The following NFAT5 variants were observed in gnomAD, a reference collection of about 807,000 sequenced individuals.
NFAT5 encodes the protein nuclear factor of activated T cells 5, also known as nuclear factor of activated T-cells 5.
Under a neutral mutation model 166.5 loss-of-function variants are expected in NFAT5, and 31 were observed. That is an observed-to-expected ratio of 0.19 (90% CI 0.14 to 0.25). The LOEUF (loss-of-function observed/expected upper bound fraction) is 0.25, where lower values mean the gene tolerates loss of function less well. Among genes scored for constraint, NFAT5 ranks in the 10% least tolerant of loss-of-function variants. The probability of loss-of-function intolerance (pLI) is 1.00; values close to 1 mark genes in which losing one functional copy is unlikely to be tolerated. For synonymous variants in NFAT5, 612 were observed against 639.7 expected (o/e 0.96, Z 0.65); for missense variants, 1,449 against 1,821.8 (o/e 0.80, Z 3.72).
At chr16:69,689,510 G>A (rs1171521965) in intron 11 of NFAT5, among the ~76,000 whole-genome samples, 1 of 152,210 alleles carries the variant, frequency 6.6e-6, no homozygotes, top group East Asian at 1.9e-4. Context: ...GTTGAAGTAA[G>A]ACAAGAAAAT....
chr16:69,649,328 G>A (rs898810818), intron 4 of NFAT5: 1 of 969,526 alleles, frequency 1.0e-6, no homozygotes, highest in African/African-American at 1.8e-5. Context: ...GAATGTTGAA[G>A]GTTCAAATTT....
At chr16:69,663,441 A>G (rs1248047801) in intron 7 of NFAT5, among the ~76,000 whole-genome samples, 3 of 151,990 alleles carry the variant, frequency 2.0e-5, no homozygotes, top group African/African-American at 4.8e-5. Flanking sequence ...CAAATTAAGA[A>G]TATTAATTTT....
intron 2 of NFAT5, among the ~76,000 whole-genome samples, chr16:69,625,795 A>T (rs1421400667): frequency 2.0e-5 from 3 of 152,044 alleles, no homozygotes; most frequent in African/African-American, 7.2e-5. Flanking sequence ...GTTATTTGGC[A>T]TTTCTTCCAT....
intron 2 of NFAT5, among the ~76,000 whole-genome samples, chr16:69,591,321 G>T (rs887706905): frequency 6.6e-6 from 1 of 151,916 alleles, no homozygotes; most frequent in Non-Finnish European, 1.5e-5. Flanking sequence ...TTACTCCGAG[G>T]ATGAAGATGA....
At chr16:69,581,821 A>G (rs970260633) in intron 2 of NFAT5, among the ~76,000 whole-genome samples, 15 of 152,198 alleles carry the variant, frequency 9.9e-5, no homozygotes, top group Non-Finnish European at 1.9e-4. Flanking sequence ...ATCATGTACA[A>G]CATGTTGTTT....
chr16:69,598,025 A>G (rs900600593), intron 2 of NFAT5, among the ~76,000 whole-genome samples: 4 of 152,062 alleles, frequency 2.6e-5, no homozygotes, highest in Admixed American at 6.6e-5. Context: ...GTAAATTATG[A>G]CTTGTTGCTA....
At chr16:69,682,258 G>T (rs2037094510) in intron 10 of NFAT5, among the ~76,000 whole-genome samples, 1 of 150,896 alleles carries the variant, frequency 6.6e-6, no homozygotes, top group African/African-American at 2.4e-5. Context: ...CTCCACAGTG[G>T]TGATTTCTAT....
At chr16:69,592,316 G>A (rs941735931) in intron 2 of NFAT5, among the ~76,000 whole-genome samples, 6 of 152,054 alleles carry the variant, frequency 3.9e-5, no homozygotes, top group African/African-American at 1.4e-4. Context: ...ATGACCTCAA[G>A]TGATCCACCC....
At chr16:69,576,375 A>T (rs1217375802) in intron 2 of NFAT5, among the ~76,000 whole-genome samples, 1 of 152,080 alleles carries the variant, frequency 6.6e-6, no homozygotes, top group Non-Finnish European at 1.5e-5. Flanking sequence ...TTCAGATGGT[A>T]TAAAAAGAAT....
chr16:69,614,312 G>C (rs1337281880), intron 2 of NFAT5, among the ~76,000 whole-genome samples: 1 of 152,072 alleles, frequency 6.6e-6, no homozygotes, highest in African/African-American at 2.4e-5. Flanking sequence ...GAGCCACCAC[G>C]CTCGGCCCTA....
Position 69,571,129 on chromosome 16 carries a change from T to TAAAAAAAAA in NFAT5, c.127+2601_127+2609dup, listed in dbSNP as rs56221116. Among the ~76,000 whole-genome samples, 46 of 31,376 alleles carry TAAAAAAAAA rather than the reference T, an allele frequency of 1.5e-3. 7 individuals are homozygous for TAAAAAAAAA. The highest frequency in any genetic ancestry group is 0.012 in the East Asian group (8 of 694). The allele number at this position is 31,376 out of a possible 152,430, so 20.6% of individuals were successfully genotyped here. A position where few individuals can be genotyped will look rare whatever the true frequency, so the allele number is the denominator to read the frequency against. On this transcript the variant is annotated intron_variant, in intron 2 of 14. Transcript: ENST00000349945. Reference sequence around the variant, plus strand: ...TAACATGGTGAAACCCCATCTCTACTAAAAAAAAAAAAAAAAAAAAAAAAA... The same window carrying TAAAAAAAAA: ...TAACATGGTGAAACCCCATCTCTACTAAAAAAAAAAAAAAAAAAAAAAAAAAAAAAAAAA...
At chr16:69,586,988 A>G (rs144943148) in intron 2 of NFAT5, among the ~76,000 whole-genome samples, 1 of 152,318 alleles carries the variant, frequency 6.6e-6, no homozygotes, top group East Asian at 1.9e-4. Context: ...GATAACTGCT[A>G]TATTAAATCT....
intron 2 of NFAT5, among the ~76,000 whole-genome samples, chr16:69,587,999 C>G (rs2032202512): frequency 8.2e-6 from 1 of 121,610 alleles, no homozygotes; most frequent in Admixed American, 1.1e-4. Context: ...ATTGCCCAGG[C>G]TGGAGTGCAG....
intron 2 of NFAT5, among the ~76,000 whole-genome samples, chr16:69,616,801 C>T (rs2033966447): frequency 1.3e-5 from 2 of 152,014 alleles, no homozygotes; most frequent in Non-Finnish European, 2.9e-5. Flanking sequence ...TTATGTCCTC[C>T]TCACCCTGCT....
Position 69,691,037 on chromosome 16 carries a change from T to C in NFAT5, c.1872T>C (p.Asp624=), listed in dbSNP as rs558415060. Residue 624 remains aspartate (D), a synonymous_variant, in exon 12 of 15, where the codon GAT becomes GAC. Coordinates refer to ENST00000349945, the MANE Select transcript of NFAT5 (RefSeq NM_138713.4). The stretch of plus-strand genomic sequence containing the variant: ...CAAGCAGTATGATTAAGAGTGAAGA[T>C]GTTACTCCAATGGAAGTAACAGCAG... ...LIPSSMIKSE[D]VTPMEVTAEK... 7.9e-5 allele frequency: 127 copies of C among 1,608,240 alleles called. No individual in the cohort carries two copies. Among genetic ancestry groups the C allele is most frequent in the Non-Finnish European group, 1.1e-4 (125 of 1,177,586 alleles).
chr16:69,594,677 A>G (rs1289179513), intron 2 of NFAT5, among the ~76,000 whole-genome samples: 2 of 152,194 alleles, frequency 1.3e-5, no homozygotes, highest in Non-Finnish European at 2.9e-5. Flanking sequence ...ACCTGTGATA[A>G]AGTTTAATTT....
rs1007457862 is a variant in NFAT5, at chr16:69,681,692, C to T, written c.1691-3195C>T. ...CAGCACTTTGGGAGGCCGAGGTGGG[C>T]GGATCATGAGGTCAGGAGATCGAGA... On this transcript the variant is annotated intron_variant, in intron 10 of 14. Transcript: ENST00000349945. Among the ~76,000 whole-genome samples, 17 of 151,916 alleles carry T rather than the reference C, an allele frequency of 1.1e-4. 2 individuals are homozygous for T. The highest frequency in any genetic ancestry group is 3.9e-4 in the East Asian group (2 of 5,162).
chr16:69,621,699 C>T (rs901133278), intron 2 of NFAT5, among the ~76,000 whole-genome samples: 3 of 152,184 alleles, frequency 2.0e-5, no homozygotes, highest in African/African-American at 7.2e-5. Context: ...CCAGGTGCAG[C>T]TCATGTCTGT....
At chr16:69,576,239 C>G (rs914225542) in intron 2 of NFAT5, among the ~76,000 whole-genome samples, 1 of 137,126 alleles carries the variant, frequency 7.3e-6, no homozygotes, top group Non-Finnish European at 1.5e-5. Context: ...TTTCAGGGAG[C>G]GGAGATGGCG....
Sources: gnomAD v4.1 joint callset for allele counts (sites outside exome capture counted in the v4.1 genomes callset) on GRCh38, gnomAD v4.1.1 for gene constraint, MANE v1.5 for transcripts, NCBI Gene and HGNC (gene_info 2026-07-23, HGNC 2026-07-21) for gene names.